The following INPP4B variants were observed in gnomAD, a reference collection of about 807,000 sequenced individuals.
The protein encoded by INPP4B is inositol polyphosphate-4-phosphatase type II B, also known as inositol polyphosphate 4-phosphatase type II.
INPP4B carries 55 observed loss-of-function variants against 122.5 expected under a neutral mutation model. That is an observed-to-expected ratio of 0.45 (90% CI 0.36 to 0.56). The LOEUF (loss-of-function observed/expected upper bound fraction) is 0.56, where lower values mean the gene tolerates loss of function less well. Among genes scored for constraint, INPP4B ranks in the 20% least tolerant of loss-of-function variants. The pLI is 0.00. For missense variants in INPP4B, 1,000 were observed against 1,097.7 expected (o/e 0.91, Z 1.26); for synonymous variants, 403 against 388.7 (o/e 1.04, Z -0.43).
At chr4:142,070,928 T>G (rs1204062190) in intron 25 of INPP4B, among the ~76,000 whole-genome samples, 1 of 152,102 alleles carries the variant, frequency 6.6e-6, no homozygotes, top group Non-Finnish European at 1.5e-5. Context: ...AATTTACAGA[T>G]TCAATGCCAT....
At chr4:142,565,000 A>G (rs1731321496) in intron 2 of INPP4B, among the ~76,000 whole-genome samples, 1 of 152,158 alleles carries the variant, frequency 6.6e-6, no homozygotes, top group African/African-American at 2.4e-5. Flanking sequence ...TCAGGATCCA[A>G]TCCAAACACA....
chr4:142,257,729 T>C (rs1737089441), intron 11 of INPP4B, among the ~76,000 whole-genome samples: 2 of 152,162 alleles, frequency 1.3e-5, no homozygotes, highest in Non-Finnish European at 2.9e-5. Context: ...TAGAACATTC[T>C]ATGCTCATGG....
rs373964728 is a variant in INPP4B at position 142,152,160 on chromosome 4, G to C, written c.1564-6164C>G. Reference sequence around the variant, plus strand: ...ACAATCTCGGCTCACTGCAAGCTCCGCCTCCCGGGTTCATGCCATTCTCCT... The same window carrying C: ...ACAATCTCGGCTCACTGCAAGCTCCCCCTCCCGGGTTCATGCCATTCTCCT... On this transcript the variant is annotated intron_variant, in intron 17 of 25. Transcript: ENST00000262992. 3.2e-3 allele frequency among the ~76,000 whole-genome samples: 420 copies of C among 131,990 alleles called. 1 individual carries two copies. Among genetic ancestry groups the C allele is most frequent in the African/African-American group, 0.011 (404 of 35,566 alleles). 86.6% of individuals were successfully genotyped at this position (131,990 alleles called of 152,430 possible). A position where few individuals can be genotyped will look rare whatever the true frequency, so the allele number is the denominator to read the frequency against.
chr4:142,642,762 G>A (rs1303479224), intron 2 of INPP4B, among the ~76,000 whole-genome samples: 1 of 152,110 alleles, frequency 6.6e-6, no homozygotes, highest in Non-Finnish European at 1.5e-5. Flanking sequence ...CTCTTTTTTG[G>A]TTCTATATGA....
At chr4:142,534,573 A>G (rs1175005062) in intron 2 of INPP4B, among the ~76,000 whole-genome samples, 2 of 152,052 alleles carry the variant, frequency 1.3e-5, no homozygotes, top group East Asian at 3.8e-4. Context: ...TACCCAGTCC[A>G]TGGTATTCTC....
chr4:142,834,591 T>G (rs1034169216), intron 1 of INPP4B, among the ~76,000 whole-genome samples: 14 of 152,198 alleles, frequency 9.2e-5, no homozygotes, highest in African/African-American at 3.1e-4. Context: ...CCATAAAATC[T>G]TCTCATTTTT....
chr4:142,240,341 CT>C, intron 11 of INPP4B, among the ~76,000 whole-genome samples: 1 of 151,982 alleles, frequency 6.6e-6, no homozygotes, highest in Non-Finnish European at 1.5e-5. Flanking sequence ...CACGCCTGGC[CT>C]TATTGTTTCC....
intron 17 of INPP4B, among the ~76,000 whole-genome samples, chr4:142,149,678 G>T (rs960355965): frequency 1.3e-5 from 2 of 152,322 alleles, no homozygotes; most frequent in Non-Finnish European, 2.9e-5. Context: ...GTGGATCCTA[G>T]GATAAGAGAT....
intron 25 of INPP4B, among the ~76,000 whole-genome samples, chr4:142,056,647 T>C (rs1481963170): frequency 6.6e-6 from 1 of 152,144 alleles, no homozygotes; most frequent in Non-Finnish European, 1.5e-5. Context: ...TCAGATGTTT[T>C]GGTTGGTAAC....
At chr4:142,127,638 C>A (rs1382393361) in intron 18 of INPP4B, among the ~76,000 whole-genome samples, 1 of 151,978 alleles carries the variant, frequency 6.6e-6, no homozygotes, top group African/African-American at 2.4e-5. Flanking sequence ...CTTTTTATGG[C>A]TAAAATATCA....
intron 1 of INPP4B, among the ~76,000 whole-genome samples, chr4:142,796,649 T>C (rs1777277067): frequency 6.6e-6 from 1 of 151,930 alleles, no homozygotes; most frequent in Admixed American, 6.6e-5. Context: ...AAAAAAAGTC[T>C]AAAAGAGCTC....
At chr4:142,610,988 C>T (rs1487843197) in intron 2 of INPP4B, among the ~76,000 whole-genome samples, 1 of 152,128 alleles carries the variant, frequency 6.6e-6, no homozygotes. Context: ...ATACCTGAGA[C>T]TGAGTAATTT....
intron 2 of INPP4B, among the ~76,000 whole-genome samples, chr4:142,551,814 A>G (rs1215885651): frequency 6.6e-6 from 1 of 152,218 alleles, no homozygotes; most frequent in Non-Finnish European, 1.5e-5. Flanking sequence ...GATGGCAAGA[A>G]GGCATAAGAC....
intron 21 of INPP4B, among the ~76,000 whole-genome samples, chr4:142,121,101 C>T (rs1796362757): frequency 6.6e-6 from 1 of 152,070 alleles, no homozygotes; most frequent in Admixed American, 6.6e-5. Flanking sequence ...TGATAGTAAA[C>T]TTGAGAGAAA....
intron 1 of INPP4B, among the ~76,000 whole-genome samples, chr4:142,782,606 A>G (rs1382320860): frequency 8.6e-5 from 13 of 151,616 alleles, no homozygotes; most frequent in African/African-American, 3.2e-4. Context: ...CCAACAGTGT[A>G]AAAGTGTTCC....
At chr4:142,039,409 G>C (rs336337) in intron 25 of INPP4B, among the ~76,000 whole-genome samples, 15,768 of 151,870 alleles carry the variant, frequency 0.1, 1,499 homozygotes, top group African/African-American at 0.25. Context: ...CAATGTTTTT[G>C]TTTTATAAAA....
intron 1 of INPP4B, among the ~76,000 whole-genome samples, chr4:142,752,075 A>G (rs1769814098): frequency 6.6e-6 from 1 of 152,078 alleles, no homozygotes; most frequent in Non-Finnish European, 1.5e-5. Flanking sequence ...GCTAAAACAC[A>G]AACTCTGTAA....
intron 2 of INPP4B, among the ~76,000 whole-genome samples, chr4:142,511,990 C>A (rs1824781956): frequency 6.6e-6 from 1 of 152,034 alleles, no homozygotes; most frequent in Admixed American, 6.6e-5. Context: ...TAAGTTGGGG[C>A]AATTTGATCT....
intron 1 of INPP4B, among the ~76,000 whole-genome samples, chr4:142,829,299 C>A (rs544350211): frequency 6.6e-6 from 1 of 151,904 alleles, no homozygotes; most frequent in African/African-American, 2.4e-5. Context: ...ATATAATGAC[C>A]CCTGACTTCT....
Sources: gnomAD v4.1 joint callset for allele counts (sites outside exome capture counted in the v4.1 genomes callset) on GRCh38, gnomAD v4.1.1 for gene constraint, MANE v1.5 for transcripts, NCBI Gene and HGNC (gene_info 2026-07-23, HGNC 2026-07-21) for gene names.